The following CCDC85A variants were observed in gnomAD, a reference collection of about 807,000 sequenced individuals.
CCDC85A encodes the protein coiled-coil domain-containing protein 85A.
A neutral mutation model predicts 50.2 loss-of-function variants in CCDC85A; 38 were observed. The observed-to-expected ratio is 0.76, with a 90% confidence interval of 0.58 to 0.99. The LOEUF is 0.99. Among genes scored for constraint, CCDC85A ranks in the 50% least tolerant of loss-of-function variants. The probability of loss-of-function intolerance (pLI) is 0.00; values close to 1 mark genes in which losing one functional copy is unlikely to be tolerated. For synonymous variants in CCDC85A, 366 were observed against 301.4 expected (o/e 1.21, Z -2.22); for missense variants, 820 against 742.0 (o/e 1.11, Z -1.22).
intron 3 of CCDC85A, among the ~76,000 whole-genome samples, chr2:56,346,333 G>C (rs1179539056): frequency 6.6e-6 from 1 of 152,094 alleles, no homozygotes; most frequent in African/African-American, 2.4e-5. Context: ...CTTACATTTT[G>C]TGGGCTCAGG....
intron 2 of CCDC85A, among the ~76,000 whole-genome samples, chr2:56,209,529 C>T (rs11125617): frequency 6.8e-6 from 1 of 148,140 alleles, no homozygotes; most frequent in Non-Finnish European, 1.5e-5. Flanking sequence ...TTGTTTAATA[C>T]TTTGGGGCAA....
intron 2 of CCDC85A, among the ~76,000 whole-genome samples, chr2:56,311,315 C>T (rs1672680857): frequency 1.3e-5 from 2 of 152,138 alleles, no homozygotes; most frequent in African/African-American, 4.8e-5. Context: ...TTCCTCAGGT[C>T]TCAATGCCTC....
chr2:56,262,963 A>G (rs1670281696), intron 2 of CCDC85A, among the ~76,000 whole-genome samples: 1 of 152,236 alleles, frequency 6.6e-6, no homozygotes, highest in South Asian at 2.1e-4. Flanking sequence ...AAGAGGTGCC[A>G]CAGAGAACAT....
At chr2:56,344,243 A>T (rs1007024972) in intron 3 of CCDC85A, among the ~76,000 whole-genome samples, 2 of 152,228 alleles carry the variant, frequency 1.3e-5, no homozygotes, top group Non-Finnish European at 1.5e-5. Context: ...TAACAAAGTT[A>T]TTATTAGTAA....
At chr2:56,326,496 C>T (rs984013427) in intron 2 of CCDC85A, among the ~76,000 whole-genome samples, 1 of 152,104 alleles carries the variant, frequency 6.6e-6, no homozygotes, top group African/African-American at 2.4e-5. Context: ...AAATGAACTT[C>T]AAGGTCAGCA....
chr2:56,209,007 A>G (rs1188313802), intron 2 of CCDC85A, among the ~76,000 whole-genome samples: 1 of 152,060 alleles, frequency 6.6e-6, no homozygotes, highest in Non-Finnish European at 1.5e-5. Context: ...GGTCTAACTC[A>G]AGCAGCCCAA....
intron 4 of CCDC85A, among the ~76,000 whole-genome samples, chr2:56,373,958 G>A (rs1219681832): frequency 6.6e-6 from 1 of 152,104 alleles, no homozygotes; most frequent in Non-Finnish European, 1.5e-5. Context: ...TATGAGGGTG[G>A]GTGAAGGGTG....
At chr2:56,350,746 C>G (rs896465851) in intron 3 of CCDC85A, among the ~76,000 whole-genome samples, 8 of 145,074 alleles carry the variant, frequency 5.5e-5, no homozygotes, top group African/African-American at 2.1e-4. Context: ...GGTTCAGAGA[C>G]CTTTCCTTTT....
chr2:56,266,886 C>G (rs532755379), intron 2 of CCDC85A, among the ~76,000 whole-genome samples: 42 of 152,180 alleles, frequency 2.8e-4, no homozygotes, highest in Non-Finnish European at 5.0e-4. Context: ...TAAATTAAGG[C>G]TGAAACTATT....
chr2:56,358,275 C>A (rs1158594600), intron 3 of CCDC85A, among the ~76,000 whole-genome samples: 1 of 152,178 alleles, frequency 6.6e-6, no homozygotes, highest in African/African-American at 2.4e-5. Context: ...TATGAGAGTT[C>A]ATTTCTTTAA....
At chr2:56,364,848 A>G (rs1272258600) in intron 3 of CCDC85A, among the ~76,000 whole-genome samples, 1 of 150,340 alleles carries the variant, frequency 6.7e-6, no homozygotes, top group East Asian at 1.9e-4. Context: ...AATAAGTAAT[A>G]CTTTTTTTCC....
chr2:56,344,163 T>C (rs1157621077), intron 3 of CCDC85A, among the ~76,000 whole-genome samples: 1 of 152,206 alleles, frequency 6.6e-6, no homozygotes, highest in Non-Finnish European at 1.5e-5. Context: ...CTATGTTTTC[T>C]TCTATACATA....
At chr2:56,238,951 A>C (rs1260593572) in intron 2 of CCDC85A, among the ~76,000 whole-genome samples, 1 of 152,176 alleles carries the variant, frequency 6.6e-6, no homozygotes, top group East Asian at 1.9e-4. Context: ...TGTTATCCTT[A>C]TGAGATGGAG....
Position 56,333,493 on chromosome 2 carries a change from C to A in CCDC85A, c.1241-9386C>A, listed in dbSNP as rs571107103. Among the ~76,000 whole-genome samples the A allele has an allele frequency of 3.3e-5, 5 of 152,206 alleles. No homozygotes were observed. The East Asian group carries it at 7.7e-4, about 24-fold the overall frequency. ...AGGGCCCTGATGGACTTTTTAAGAA[C>A]TTTGGCCTTAATTTGGAGCAAAATG... On this transcript the variant is annotated intron_variant, in intron 2 of 5. Transcript: ENST00000407595.
chr2:56,270,992 A>T (rs1420909489), intron 2 of CCDC85A, among the ~76,000 whole-genome samples: 1 of 152,160 alleles, frequency 6.6e-6, no homozygotes, highest in African/African-American at 2.4e-5. Context: ...TTGAATTAGG[A>T]TTTATATTAT....
At chr2:56,254,147 C>T (rs144665972) in intron 2 of CCDC85A, among the ~76,000 whole-genome samples, 492 of 152,124 alleles carry the variant, frequency 3.2e-3, no homozygotes, top group Non-Finnish European at 5.0e-3. Flanking sequence ...TCTTAGCAGG[C>T]AGGGTTAGCT....
At chr2:56,363,615 C>G (rs539381419) in intron 3 of CCDC85A, among the ~76,000 whole-genome samples, 99 of 152,198 alleles carry the variant, frequency 6.5e-4, no homozygotes, top group African/African-American at 2.2e-3. Flanking sequence ...TTCTTTTTGC[C>G]AAAGCTAGGG....
At chr2:56,297,110 T>C (rs1260231655) in intron 2 of CCDC85A, among the ~76,000 whole-genome samples, 1 of 152,126 alleles carries the variant, frequency 6.6e-6, no homozygotes, top group Non-Finnish European at 1.5e-5. Flanking sequence ...CTCAGTGGGA[T>C]TTACTGAGGA....
intron 2 of CCDC85A, among the ~76,000 whole-genome samples, chr2:56,223,746 G>C (rs765359921): frequency 1.3e-5 from 2 of 152,010 alleles, no homozygotes; most frequent in African/African-American, 2.4e-5. Context: ...ATATTATTCT[G>C]ACCATCAATG....
Sources: gnomAD v4.1 joint callset for allele counts (sites outside exome capture counted in the v4.1 genomes callset) on GRCh38, gnomAD v4.1.1 for gene constraint, MANE v1.5 for transcripts, NCBI Gene and HGNC (gene_info 2026-07-23, HGNC 2026-07-21) for gene names.